EARS2: variants seen among roughly 807,000 people sequenced by gnomAD.
EARS2 encodes nondiscriminating glutamyl-tRNA synthetase EARS2, mitochondrial.
In EARS2, 50 loss-of-function variants were observed where a neutral mutation model predicts 54.1. The observed-to-expected ratio is 0.92, with a 90% CI of 0.74 to 1.17. EARS2 has a LOEUF of 1.17. Ranked by LOEUF, EARS2 falls within the 50% of genes most tolerant of loss-of-function variation. EARS2 has a pLI of 0.00. For synonymous variants in EARS2, 298 were observed against 281.0 expected, an observed-to-expected ratio of 1.06 and a Z score of -0.61; for missense variants, 673 against 675.0, an observed-to-expected ratio of 1.00 and a Z score of 0.03.
chr16:23,532,745 G>C lies in EARS2; in HGVS notation c.979C>G (p.Leu327Val). Residue 327 changes from leucine (L) to valine (V), a missense_variant, in exon 5 of 9, where the codon CTG becomes GTG. This residue lies in a region of EARS2 where 338 missense variants were observed against 361.2 expected (regional missense o/e 0.94). Transcript: ENST00000449606. ...GFAENQMGRT[L>V]PELITQFNLT... is the part of the protein sequence containing the mutation. ...TTGAACTGTGTGATCAGCTCCGGCA[G>C]GGTCCTGCCCATTTGGTTCTCTGCA... The C allele has an allele frequency of 1.1e-5, 17 of 1,613,794 alleles. 1 individual carries two copies. The highest frequency in any genetic ancestry group is 1.4e-5 in the Non-Finnish European group (17 of 1,179,782).
At chr16:23,540,589 A>T (rs1369218751) in intron 3 of EARS2, among the ~76,000 whole-genome samples, 1 of 152,276 alleles carries the variant, frequency 6.6e-6, no homozygotes, top group Non-Finnish European at 1.5e-5. Context: ...AAAATGACAT[A>T]TGTCAACATT....
intron 5 of EARS2, among the ~76,000 whole-genome samples, 184 bp from the exon 6 acceptor site, chr16:23,530,081 A>G (rs1398723363): frequency 6.6e-6 from 1 of 152,222 alleles, no homozygotes; most frequent in Non-Finnish European, 1.5e-5. Flanking sequence ...GGTCACAAAC[A>G]GCCTGAAAGT....
chr16:23,551,510 G>A (rs1401875374), intron 2 of EARS2, among the ~76,000 whole-genome samples: 1 of 152,076 alleles, frequency 6.6e-6, no homozygotes, highest in African/African-American at 2.4e-5. Context: ...CAACTACTTG[G>A]GAGGCTAAGG....
At chr16:23,533,827 G>A (rs192153231) in intron 4 of EARS2, among the ~76,000 whole-genome samples, 10 of 152,208 alleles carry the variant, frequency 6.6e-5, no homozygotes, top group African/African-American at 2.2e-4. Flanking sequence ...AGGCCAAGGC[G>A]GGTGGATCAC....
At chr16:23,551,704 G>A (rs1014876394) in intron 2 of EARS2, among the ~76,000 whole-genome samples, 1 of 152,068 alleles carries the variant, frequency 6.6e-6, no homozygotes. Flanking sequence ...TGGATCACGA[G>A]GTCAGGAGGT....
chr16:23,536,611 A>G (rs1056347135), intron 3 of EARS2, among the ~76,000 whole-genome samples: 3 of 151,142 alleles, frequency 2.0e-5, no homozygotes, highest in African/African-American at 4.9e-5. Flanking sequence ...GCAGTAAACT[A>G]TGATGGCACC....
intron 1 of EARS2, chr16:23,552,940 G>C: frequency 4.2e-6 from 1 of 236,692 alleles, no homozygotes; most frequent in South Asian, 3.7e-5. Context: ...TTTGAGATCT[G>C]CCTGGGCAAC....
chr16:23,537,995 C>T (rs1322751408), intron 3 of EARS2, among the ~76,000 whole-genome samples: 14 of 151,560 alleles, frequency 9.2e-5, no homozygotes, highest in Admixed American at 3.9e-4. Flanking sequence ...TGGGGGCTCA[C>T]CATGTTGCGA....
intron 3 of EARS2, among the ~76,000 whole-genome samples, chr16:23,537,968 A>AC (rs1261526721): frequency 3.3e-5 from 5 of 150,102 alleles, no homozygotes. Flanking sequence ...TAATTTTTGT[A>AC]TTTTTTTTAG....
chr16:23,533,927 G>A (rs1352371449), intron 4 of EARS2, among the ~76,000 whole-genome samples: 1 of 152,084 alleles, frequency 6.6e-6, no homozygotes, highest in Non-Finnish European at 1.5e-5. Context: ...GTGGTGGCGG[G>A]TGCCTGTAAT....
chr16:23,557,167 G>A (rs372647103), intron 1 of EARS2, 38 bp downstream of exon 1: 6 of 1,504,688 alleles, frequency 4.0e-6, no homozygotes, highest in Non-Finnish European at 5.3e-6. Context: ...GACGGGACAG[G>A]GGGCCTCGGC....
chr16:23,550,925 G>A (rs967904890), intron 2 of EARS2: 1 of 151,854 alleles, frequency 6.6e-6, no homozygotes, highest in African/African-American at 2.4e-5. Flanking sequence ...GTAGACAACT[G>A]TCGACCCATG....
At chr16:23,553,736 C>A (rs1965732667) in intron 1 of EARS2, among the ~76,000 whole-genome samples, 1 of 151,482 alleles carries the variant, frequency 6.6e-6, no homozygotes, top group Non-Finnish European at 1.5e-5. Context: ...CTAAAAATAC[C>A]ACAAAAAAAA....
rs770389020 is a variant in EARS2 at position 23,529,492 on chromosome 16, G to A, written c.1352+10C>T. On this transcript the variant is annotated intron_variant, in intron 7 of 8. Transcript: ENST00000449606. ...GTGTGGAACCCTGAGCTCAGCCTGC[G>A]GGTACTCACCCCAGCACACGCTTGG... The A allele has an allele frequency of 2.2e-5, 36 of 1,612,444 alleles. No individual in the cohort carries two copies. Among genetic ancestry groups the A allele is most frequent in the African/African-American group, 5.3e-5 (4 of 74,904 alleles).
At chr16:23,548,135 G>A (rs1009149351) in intron 2 of EARS2, among the ~76,000 whole-genome samples, 1 of 151,854 alleles carries the variant, frequency 6.6e-6, no homozygotes, top group Non-Finnish European at 1.5e-5. Context: ...TCGGGAGGCT[G>A]AGGCGGGAGA....
At chr16:23,542,462 C>T (rs962540599) in intron 3 of EARS2, among the ~76,000 whole-genome samples, 2 of 150,306 alleles carry the variant, frequency 1.3e-5, no homozygotes, top group Non-Finnish European at 3.0e-5. Flanking sequence ...GGACTACATG[C>T]GCACCACCAC....
intron 1 of EARS2, among the ~76,000 whole-genome samples, chr16:23,554,844 G>A (rs980499197): frequency 6.6e-6 from 1 of 152,182 alleles, no homozygotes; most frequent in African/African-American, 2.4e-5. Flanking sequence ...ATCTGTCAGA[G>A]GGATTAAGAG....
intron 2 of EARS2, among the ~76,000 whole-genome samples, chr16:23,549,438 C>T (rs75528309): frequency 0.011 from 1,745 of 152,282 alleles, 23 homozygotes; most frequent in Non-Finnish European, 0.015. Context: ...GCCCAGAAGG[C>T]CCAAGCGAGG....
intron 5 of EARS2, 122 bp from the exon 6 acceptor site, chr16:23,530,019 C>T (rs989360972): frequency 1.7e-6 from 2 of 1,204,708 alleles, no homozygotes; most frequent in South Asian, 1.5e-5. Context: ...CCCTCCCTTT[C>T]GCAAGCTAGA....
Sources: gnomAD v4.1 joint callset for allele counts (sites outside exome capture counted in the v4.1 genomes callset) on GRCh38, gnomAD v4.1.1 for gene constraint, gnomAD v4.1.1 regional missense constraint, MANE v1.5 for transcripts, NCBI Gene and HGNC (gene_info 2026-07-23, HGNC 2026-07-21) for gene names.